The following ATP10B variants were observed in gnomAD, a reference collection of about 807,000 sequenced individuals.
ATP10B encodes the protein ATPase phospholipid transporting 10B (putative).
In ATP10B, 122 loss-of-function variants were observed where a neutral mutation model predicts 141.2. The observed-to-expected ratio is 0.86, with a 90% confidence interval of 0.75 to 1.00. The LOEUF (loss-of-function observed/expected upper bound fraction) is 1.00. Among genes scored for constraint, ATP10B ranks in the 50% least tolerant of loss-of-function variants. The pLI is 0.00. For synonymous variants in ATP10B, 685 were observed against 692.0 expected (o/e 0.99, Z 0.16); for missense variants, 1,876 against 1,825.3 (o/e 1.03, Z -0.51).
At chr5:160,798,909 G>A (rs1032654699) in intron 1 of ATP10B, among the ~76,000 whole-genome samples, 5 of 151,856 alleles carry the variant, frequency 3.3e-5, no homozygotes, top group African/African-American at 1.2e-4. Context: ...GTGCTACCAT[G>A]CCCAGCTAAT....
chr5:160,838,696 A>G (rs995104336), intron 1 of ATP10B, among the ~76,000 whole-genome samples: 4 of 152,178 alleles, frequency 2.6e-5, no homozygotes, highest in Non-Finnish European at 5.9e-5. Flanking sequence ...GATGTGGAGT[A>G]ATCTTTTAAA....
chr5:160,816,552 C>T (rs1773647435), intron 1 of ATP10B, among the ~76,000 whole-genome samples: 2 of 152,170 alleles, frequency 1.3e-5, no homozygotes, highest in African/African-American at 4.8e-5. Context: ...CATGGATTCA[C>T]AGCCGAATTC....
Position 160,803,843 on chromosome 5 carries a change from T to C in ATP10B, c.-575-18040A>G, listed in dbSNP as rs78113394. On this transcript the variant is annotated intron_variant, in intron 1 of 25. Transcript: ENST00000327245. ...ATGCAATCTCAGAATCTTTTCCCCA[T>C]GATTTATATTTGTTATTTATTTAAC... 4.9e-3 allele frequency among the ~76,000 whole-genome samples: 746 copies of C among 152,270 alleles called. 3 individuals are homozygous for C. Among genetic ancestry groups the C allele is most frequent in the African/African-American group, 0.017 (712 of 41,562 alleles).
At chr5:160,890,853 G>A in the ATP10B span, among the ~76,000 whole-genome samples, 1 of 152,142 alleles carries the variant, frequency 6.6e-6, no homozygotes, top group Non-Finnish European at 1.5e-5. Flanking sequence ...GGAGCTACAG[G>A]CATATGCTGC....
Position 160,795,738 on chromosome 5 carries a change from G to A in ATP10B, c.-575-9935C>T, listed in dbSNP as rs538694401. On this transcript the variant is annotated intron_variant, in intron 1 of 25. Transcript: ENST00000327245. ...TTTGAGATCCAGTAAAAGGCAACGC[G>A]ACCACAGAAACAGAGACTGATGTGA... Among the ~76,000 whole-genome samples the A allele has an allele frequency of 2.6e-5, 4 of 151,940 alleles. No individual in the cohort carries two copies. In the South Asian group the frequency reaches 8.4e-4, roughly 32 times the overall value.
At chr5:160,642,326 G>T (rs1338183453) in intron 9 of ATP10B, among the ~76,000 whole-genome samples, 1 of 152,174 alleles carries the variant, frequency 6.6e-6, no homozygotes, top group African/African-American at 2.4e-5. Flanking sequence ...TTGCTGTGAG[G>T]AGCACACACC....
the ATP10B span, among the ~76,000 whole-genome samples, chr5:160,881,408 A>G: frequency 6.6e-6 from 1 of 152,234 alleles, no homozygotes; most frequent in Non-Finnish European, 1.5e-5. Flanking sequence ...TAAACATACT[A>G]TTACCATATA....
chr5:160,856,057 G>A (rs191441272), upstream of ATP10B, among the ~76,000 whole-genome samples: 311 of 151,392 alleles, frequency 2.1e-3, no homozygotes, highest in African/African-American at 7.4e-3. Flanking sequence ...AACTATTCTT[G>A]GTTTCATGCT....
At chr5:160,925,173 A>G in the ATP10B span, among the ~76,000 whole-genome samples, 1 of 152,256 alleles carries the variant, frequency 6.6e-6, no homozygotes. Context: ...GCTGTGGATT[A>G]TAAGAGTTCA....
intron 2 of ATP10B, among the ~76,000 whole-genome samples, chr5:160,722,075 C>T (rs1433971566): frequency 6.6e-6 from 1 of 152,098 alleles, no homozygotes; most frequent in Non-Finnish European, 1.5e-5. Context: ...AGAACGAGTG[C>T]TTCGTAGGAA....
At chr5:160,619,039 A>T (rs1226697394) in intron 15 of ATP10B, among the ~76,000 whole-genome samples, 1 of 152,184 alleles carries the variant, frequency 6.6e-6, no homozygotes, top group Non-Finnish European at 1.5e-5. Context: ...CTTGTTTCAA[A>T]GATTATTTTC....
intron 7 of ATP10B, among the ~76,000 whole-genome samples, chr5:160,660,702 A>G (rs772047556): frequency 6.6e-5 from 10 of 152,228 alleles, no homozygotes; most frequent in Non-Finnish European, 1.3e-4. Flanking sequence ...GTGAAAAAAG[A>G]TAGATGTTTG....
chr5:160,761,403 TACATTC>T (rs1769028381), intron 2 of ATP10B, among the ~76,000 whole-genome samples: 1 of 26,758 alleles, frequency 3.7e-5, no homozygotes, highest in Non-Finnish European at 6.5e-5. Flanking sequence ...AGCACCAGCC[TACATTC>T]GCCAGCACCA....
chr5:160,728,148 T>C (rs1047218340), intron 2 of ATP10B, among the ~76,000 whole-genome samples: 1 of 152,164 alleles, frequency 6.6e-6, no homozygotes, highest in East Asian at 1.9e-4. Context: ...AAAATGTAGA[T>C]TTACTGGGCA....
intron 17 of ATP10B, chr5:160,614,153 T>A (rs968244466): frequency 3.3e-5 from 5 of 152,074 alleles, no homozygotes; most frequent in Non-Finnish European, 7.4e-5. Context: ...CTGAGGGCCA[T>A]ATGCACAGGT....
Position 160,570,239 on chromosome 5 carries a change from A to G in ATP10B, c.3751-556T>C, listed in dbSNP as rs1342936676. On this transcript the variant is annotated intron_variant, in intron 24 of 25. Coordinates refer to ENST00000327245, the MANE Select transcript of ATP10B (RefSeq NM_025153.3). ...TTCAGGGTACATGTAATAATTTGGT[A>G]TATTCATATATAATTAGGGTAATCA... Among the ~76,000 whole-genome samples the G allele has an allele frequency of 5.9e-5, 9 of 152,214 alleles. No homozygotes were observed. In the South Asian group the frequency reaches 1.7e-3, roughly 28 times the overall value.
At chr5:160,625,045 G>A (rs1166339640) in intron 13 of ATP10B, among the ~76,000 whole-genome samples, 7 of 152,236 alleles carry the variant, frequency 4.6e-5, no homozygotes, top group South Asian at 2.1e-4. Flanking sequence ...CCATGGCCTC[G>A]TTATATCCCT....
intron 1 of ATP10B, among the ~76,000 whole-genome samples, chr5:160,809,185 C>A (rs1772977716): frequency 6.6e-6 from 1 of 152,136 alleles, no homozygotes; most frequent in Admixed American, 6.5e-5. Context: ...TAGTTGTTCT[C>A]TGTAGCTTGT....
At chr5:160,837,630 G>A (rs542236727) in intron 1 of ATP10B, among the ~76,000 whole-genome samples, 3 of 52,222 alleles carry the variant, frequency 5.7e-5, no homozygotes, top group Admixed American at 3.4e-4. Context: ...ATTTGTTGTA[G>A]TTCTCTCTGA....
Sources: allele counts gnomAD v4.1 joint callset (sites outside exome capture counted in the v4.1 genomes callset), GRCh38; gene constraint gnomAD v4.1.1; transcripts MANE v1.5; gene names NCBI Gene and HGNC (gene_info 2026-07-23, HGNC 2026-07-21).